The following CCSER1 variants were observed in gnomAD, a reference collection of about 807,000 sequenced individuals.
The protein encoded by CCSER1 is coiled-coil serine rich protein 1, also known as serine-rich coiled-coil domain-containing protein 1.
In CCSER1, 41 loss-of-function variants were observed where a neutral mutation model predicts 82.0. That is an observed-to-expected ratio of 0.50 (90% CI 0.39 to 0.65). The LOEUF is 0.65. Among genes scored for constraint, CCSER1 ranks in the 30% least tolerant of loss-of-function variants. CCSER1 has a pLI of 0.00. For missense variants in CCSER1, 1,119 were observed against 1,064.2 expected, an observed-to-expected ratio of 1.05 and a Z score of -0.72; for synonymous variants, 414 against 383.9, an observed-to-expected ratio of 1.08 and a Z score of -0.92.
chr4:91,085,035 T>A (rs1241082382), intron 9 of CCSER1, among the ~76,000 whole-genome samples: 2 of 152,012 alleles, frequency 1.3e-5, no homozygotes, highest in Admixed American at 1.3e-4. Context: ...AGTAATAGTA[T>A]CTTCTTAAAT....
At chr4:90,375,418 T>A (rs1333190802) in intron 3 of CCSER1, among the ~76,000 whole-genome samples, 1 of 152,072 alleles carries the variant, frequency 6.6e-6, no homozygotes, top group Non-Finnish European at 1.5e-5. Flanking sequence ...TTTGTGTTAG[T>A]AGAAGGAGAG....
chr4:90,219,838 A>G (rs78275175), intron 1 of CCSER1, among the ~76,000 whole-genome samples: 1,817 of 152,278 alleles, frequency 0.012, 45 homozygotes, highest in African/African-American at 0.041. Flanking sequence ...TAGAACTCTG[A>G]GTCTTTAGAT....
chr4:90,554,613 C>A (rs1777901920), intron 5 of CCSER1, among the ~76,000 whole-genome samples: 1 of 152,254 alleles, frequency 6.6e-6, no homozygotes, highest in African/African-American at 2.4e-5. Context: ...TGCTACATAC[C>A]AGCCAGCTAA....
intron 1 of CCSER1, among the ~76,000 whole-genome samples, chr4:90,187,744 ACAC>A (rs1234675522): frequency 6.6e-6 from 1 of 151,936 alleles, no homozygotes; most frequent in Non-Finnish European, 1.5e-5. Flanking sequence ...ATATGAGTAA[ACAC>A]CACAGATGAA....
chr4:90,898,408 G>A (rs1724079536), intron 8 of CCSER1, among the ~76,000 whole-genome samples: 1 of 148,992 alleles, frequency 6.7e-6, no homozygotes, highest in Admixed American at 6.7e-5. Flanking sequence ...CTCCTGAGTA[G>A]CTGGGATTGC....
chr4:90,543,039 T>C (rs1776301664), intron 5 of CCSER1, among the ~76,000 whole-genome samples: 1 of 152,178 alleles, frequency 6.6e-6, no homozygotes, highest in Non-Finnish European at 1.5e-5. Context: ...GCCCATATAT[T>C]TACCTGACTG....
intron 10 of CCSER1, among the ~76,000 whole-genome samples, chr4:91,544,006 A>T (rs1328885898): frequency 6.6e-6 from 1 of 151,612 alleles, no homozygotes; most frequent in African/African-American, 2.4e-5. Flanking sequence ...GTTTCTTTTT[A>T]CTGTTTTTTT....
intron 10 of CCSER1, among the ~76,000 whole-genome samples, chr4:91,277,304 T>C (rs1182592335): frequency 6.6e-6 from 1 of 152,084 alleles, no homozygotes; most frequent in Non-Finnish European, 1.5e-5. Flanking sequence ...TATTCAATTC[T>C]GGACTTCTTT....
At chr4:90,566,943 C>CT (rs1237539804) in intron 5 of CCSER1, among the ~76,000 whole-genome samples, 2 of 151,412 alleles carry the variant, frequency 1.3e-5, no homozygotes, top group African/African-American at 4.8e-5. Context: ...ATTGTAACGT[C>CT]TCCTTTCATT....
In CCSER1 at chr4:90,767,448, G is replaced by C. The variant is rs1348667605; in HGVS notation, c.2010+43457G>C. Reference sequence around the variant, plus strand: ...ATTACCTTTGACCTTTTTCTCACTAGATATCAATTGAATTCCAGGTTGCAC... The same window carrying C: ...ATTACCTTTGACCTTTTTCTCACTACATATCAATTGAATTCCAGGTTGCAC... On this transcript the variant is annotated intron_variant, in intron 7 of 10. Coordinates refer to ENST00000509176, the MANE Select transcript of CCSER1 (RefSeq NM_001145065.2). Among the ~76,000 whole-genome samples, 3 of 152,170 alleles carry C rather than the reference G, an allele frequency of 2.0e-5. No homozygotes were observed. The East Asian group carries it at 5.8e-4, about 29-fold the overall frequency.
chr4:90,929,337 A>G (rs1729445409), intron 9 of CCSER1, among the ~76,000 whole-genome samples: 1 of 152,184 alleles, frequency 6.6e-6, no homozygotes, highest in African/African-American at 2.4e-5. Context: ...ATATTGCTAT[A>G]TACTATATTA....
chr4:90,407,670 G>A (rs1021430673), intron 4 of CCSER1, among the ~76,000 whole-genome samples: 2 of 152,100 alleles, frequency 1.3e-5, no homozygotes, highest in Non-Finnish European at 2.9e-5. Context: ...CAAGATGGCC[G>A]AATAGGAACA....
At position 90,138,557 on chromosome 4, in the gene CCSER1, G is replaced by C. The variant is rs191973780; in HGVS notation, c.-42+10726G>C. Among the ~76,000 whole-genome samples the C allele has an allele frequency of 2.1e-3, 319 of 152,326 alleles. 4 individuals are homozygous for C. The highest frequency in any genetic ancestry group is 6.6e-3 in the African/African-American group (274 of 41,590). ...TGAAAGGACTGGAGGAATGGTGGCA[G>C]CTAAACTACATGCATTAGGGGTTAG... On this transcript the variant is annotated intron_variant, in intron 1 of 10. Coordinates refer to ENST00000509176, the MANE Select transcript of CCSER1 (RefSeq NM_001145065.2).
At chr4:91,295,320 G>A (rs1300836825) in intron 10 of CCSER1, among the ~76,000 whole-genome samples, 1 of 151,766 alleles carries the variant, frequency 6.6e-6, no homozygotes, top group Non-Finnish European at 1.5e-5. Context: ...ATTTCTTCTT[G>A]TATCAGAAAG....
chr4:90,785,058 A>C (rs1169382175), intron 7 of CCSER1, among the ~76,000 whole-genome samples: 3 of 152,096 alleles, frequency 2.0e-5, no homozygotes, highest in African/African-American at 7.2e-5. Flanking sequence ...TACACAGTTC[A>C]AACCTGTATA....
At chr4:90,212,371 T>C (rs1740189344) in intron 1 of CCSER1, among the ~76,000 whole-genome samples, 1 of 152,208 alleles carries the variant, frequency 6.6e-6, no homozygotes, top group African/African-American at 2.4e-5. Flanking sequence ...AAATATATAT[T>C]ACTCTGAATA....
At chr4:90,456,723 A>G (rs1347403096) in intron 4 of CCSER1, among the ~76,000 whole-genome samples, 4 of 152,230 alleles carry the variant, frequency 2.6e-5, no homozygotes, top group Admixed American at 2.6e-4. Context: ...TCAACTGGCC[A>G]AGAGAGGCAT....
chr4:90,312,129 G>A (rs1028960851), intron 2 of CCSER1, among the ~76,000 whole-genome samples: 1 of 152,188 alleles, frequency 6.6e-6, no homozygotes, highest in African/African-American at 2.4e-5. Flanking sequence ...TAAATAATAA[G>A]TCATACAGAT....
chr4:91,014,302 CA>C (rs1348738422), intron 9 of CCSER1, among the ~76,000 whole-genome samples: 1 of 133,782 alleles, frequency 7.5e-6, no homozygotes, highest in Non-Finnish European at 1.7e-5. Flanking sequence ...ATTAAAAAAG[CA>C]AAACTTATAA....
Sources: allele counts gnomAD v4.1 joint callset (sites outside exome capture counted in the v4.1 genomes callset), GRCh38; gene constraint gnomAD v4.1.1; transcripts MANE v1.5; gene names NCBI Gene and HGNC (gene_info 2026-07-23, HGNC 2026-07-21).